The following GSE1 variants were observed in gnomAD, a reference collection of about 807,000 sequenced individuals.
GSE1 encodes genetic suppressor element 1.
A neutral mutation model predicts 112.6 loss-of-function variants in GSE1; 32 were observed. The observed-to-expected ratio is 0.28, with a 90% CI of 0.21 to 0.38. GSE1 has a LOEUF of 0.38. GSE1 is among the 10% of genes least tolerant of loss of function. The pLI is 1.00. For synonymous variants in GSE1, 1,115 were observed against 735.6 expected, an observed-to-expected ratio of 1.52 and a Z score of -8.35; for missense variants, 2,348 against 1,699.2, an observed-to-expected ratio of 1.38 and a Z score of -6.71.
intron 1 of GSE1, among the ~76,000 whole-genome samples, chr16:85,353,791 C>T (rs1322980405): frequency 1.3e-5 from 2 of 152,246 alleles, no homozygotes; most frequent in African/African-American, 2.4e-5. Context: ...GTGGCTGTCT[C>T]CTTGCAGTCT....
intron 7 of GSE1, among the ~76,000 whole-genome samples, 178 bp downstream of exon 7, chr16:85,656,843 G>C (rs2052002641): frequency 6.6e-6 from 1 of 152,262 alleles, no homozygotes; most frequent in Non-Finnish European, 1.5e-5. Flanking sequence ...ACACGATGTA[G>C]ACACAGTGGA....
intron 1 of GSE1, among the ~76,000 whole-genome samples, chr16:85,246,503 C>G (rs1006753742): frequency 2.4e-5 from 2 of 84,332 alleles, no homozygotes; most frequent in African/African-American, 4.3e-5. Flanking sequence ...TCTACACACC[C>G]CCCCCCCCCC....
At chr16:85,576,164 C>G (rs2046221072) in intron 1 of GSE1, among the ~76,000 whole-genome samples, 1 of 152,182 alleles carries the variant, frequency 6.6e-6, no homozygotes, top group Admixed American at 6.5e-5. Context: ...AACCCTGGAG[C>G]TAAGGTTGTC....
intron 2 of GSE1, among the ~76,000 whole-genome samples, chr16:85,429,244 T>C (rs907467043): frequency 6.6e-6 from 1 of 152,214 alleles, no homozygotes; most frequent in Non-Finnish European, 1.5e-5. Context: ...CCCCCCAGGA[T>C]GCCCGGCAAT....
chr16:85,355,242 AC>A (rs149556120), intron 1 of GSE1, among the ~76,000 whole-genome samples: 1,531 of 150,096 alleles, frequency 0.01, 17 homozygotes, highest in African/African-American at 0.03. Context: ...AAAACAAAAA[AC>A]CGGATCAACA....
At chr16:85,478,302 A>C (rs12924354) in intron 2 of GSE1, among the ~76,000 whole-genome samples, 1 of 151,764 alleles carries the variant, frequency 6.6e-6, no homozygotes, top group Non-Finnish European at 1.5e-5. Flanking sequence ...CGAGGCGGGC[A>C]GATCACTTGA....
intron 2 of GSE1, among the ~76,000 whole-genome samples, chr16:85,394,284 G>A (rs959277145): frequency 4.6e-5 from 7 of 152,208 alleles, no homozygotes; most frequent in African/African-American, 1.7e-4. Context: ...CACTCACAAA[G>A]TAGGGCAGAG....
intron 1 of GSE1, among the ~76,000 whole-genome samples, chr16:85,295,836 C>T (rs2045351297): frequency 6.6e-6 from 1 of 150,732 alleles, no homozygotes; most frequent in Non-Finnish European, 1.5e-5. Context: ...AACTCCTGGG[C>T]TCAAGTGATC....
chr16:85,637,389 C>T (rs377270071), intron 2 of GSE1, among the ~76,000 whole-genome samples: 2 of 152,216 alleles, frequency 1.3e-5, no homozygotes, highest in East Asian at 1.9e-4. Flanking sequence ...GCCACGAACC[C>T]GCAGCTGCCT....
At chr16:85,650,907 T>TCTAC (rs2051283108) in intron 3 of GSE1, among the ~76,000 whole-genome samples, 1 of 151,436 alleles carries the variant, frequency 6.6e-6, no homozygotes, top group South Asian at 2.1e-4. Context: ...CTCTCCCAGG[T>TCTAC]GTAGTGGGAG....
At chr16:85,307,647 G>A (rs549192487) in intron 1 of GSE1, among the ~76,000 whole-genome samples, 11 of 152,106 alleles carry the variant, frequency 7.2e-5, no homozygotes, top group Non-Finnish European at 1.5e-4. Context: ...CGCCAGCCTC[G>A]GTGTCCAGAG....
At chr16:85,381,141 C>G (rs996105917) in intron 2 of GSE1, among the ~76,000 whole-genome samples, 1 of 152,192 alleles carries the variant, frequency 6.6e-6, no homozygotes, top group African/African-American at 2.4e-5. Flanking sequence ...TGGCAACCAT[C>G]GATCTACTTT....
chr16:85,613,141 C>G, upstream of GSE1: 1 of 1,274,950 alleles, frequency 7.8e-7, no homozygotes, highest in Non-Finnish European at 1.0e-6. Context: ...AAACCCGACA[C>G]CTCCCGCTGG....
intron 1 of GSE1, among the ~76,000 whole-genome samples, chr16:85,629,797 T>C (rs2049390513): frequency 6.6e-6 from 1 of 152,192 alleles, no homozygotes; most frequent in African/African-American, 2.4e-5. Flanking sequence ...TAGTTTCACT[T>C]CTTGGCTTTC....
At chr16:85,493,291 A>G (rs2051067661) in intron 2 of GSE1, among the ~76,000 whole-genome samples, 1 of 152,004 alleles carries the variant, frequency 6.6e-6, no homozygotes. Context: ...TTCTATAACA[A>G]AATAATATTA....
chr16:85,234,360 G>A (rs949418304), intron 1 of GSE1, among the ~76,000 whole-genome samples: 8 of 152,124 alleles, frequency 5.3e-5, no homozygotes, highest in Admixed American at 3.3e-4. Flanking sequence ...GTACAGTGGG[G>A]ATCACATGAG....
chr16:85,197,481 A>G (rs1477823642), intron 1 of GSE1, among the ~76,000 whole-genome samples: 1 of 152,170 alleles, frequency 6.6e-6, no homozygotes, highest in Non-Finnish European at 1.5e-5. Flanking sequence ...TGTCACTTCT[A>G]GCTTTAAAAT....
chr16:85,397,991 G>A (rs1306674119), intron 2 of GSE1, among the ~76,000 whole-genome samples: 1 of 151,674 alleles, frequency 6.6e-6, no homozygotes, highest in Middle Eastern at 3.2e-3. Context: ...GGGTGGGGTT[G>A]GGGGTGGGGG....
At chr16:85,359,924 C>G (rs1244524237) in intron 2 of GSE1, among the ~76,000 whole-genome samples, 1 of 152,190 alleles carries the variant, frequency 6.6e-6, no homozygotes, top group Non-Finnish European at 1.5e-5. Context: ...GTCCCAGCTA[C>G]TCAGGTGGCT....
Sources: gnomAD v4.1 joint callset for allele counts (sites outside exome capture counted in the v4.1 genomes callset) on GRCh38, gnomAD v4.1.1 for gene constraint, MANE v1.5 for transcripts, NCBI Gene and HGNC (gene_info 2026-07-23, HGNC 2026-07-21) for gene names.